The following KIF26B variants were observed in gnomAD, a reference collection of about 807,000 sequenced individuals.
The protein encoded by KIF26B is kinesin family member 26B.
KIF26B carries 63 observed loss-of-function variants against 151.2 expected under a neutral mutation model. The ratio of observed to expected loss-of-function variants is 0.42; its 90% CI spans 0.34 to 0.51. KIF26B has a LOEUF of 0.51. KIF26B is among the 20% of genes least tolerant of loss of function. KIF26B has a pLI of 0.07. For synonymous variants in KIF26B, 1,357 were observed against 1,262.1 expected (o/e 1.08, Z -1.59); for missense variants, 2,813 against 2,913.6 (o/e 0.97, Z 0.79).
At chr1:245,186,712 A>G (rs983760143) in intron 2 of KIF26B, among the ~76,000 whole-genome samples, 6 of 152,334 alleles carry the variant, frequency 3.9e-5, no homozygotes, top group African/African-American at 9.6e-5. Context: ...TATCTTTCAG[A>G]CAGAATCAAA....
At chr1:245,473,215 C>T (rs1659951936) in intron 4 of KIF26B, among the ~76,000 whole-genome samples, 1 of 152,134 alleles carries the variant, frequency 6.6e-6, no homozygotes, top group South Asian at 2.1e-4. Context: ...CAATAAAGAC[C>T]CTCTGACCAA....
intron 4 of KIF26B, among the ~76,000 whole-genome samples, chr1:245,521,149 A>G (rs1257487984): frequency 6.6e-6 from 1 of 152,178 alleles, no homozygotes; most frequent in Non-Finnish European, 1.5e-5. Context: ...CATCCTGGCT[A>G]ACACGGTGAA....
chr1:245,184,047 G>GTTTTTTTTTTTTTT (rs1469137088), intron 2 of KIF26B, among the ~76,000 whole-genome samples: 45 of 9,232 alleles, frequency 4.9e-3, no homozygotes, highest in Non-Finnish European at 6.0e-3. Context: ...GGTGGGAGTT[G>GTTTTTTTTTTTTTT]TTGTTTTTTT....
At chr1:245,199,659 T>A (rs544356847) in intron 2 of KIF26B, among the ~76,000 whole-genome samples, 1 of 152,142 alleles carries the variant, frequency 6.6e-6, no homozygotes, top group African/African-American at 2.4e-5. Context: ...CTTTGGTATG[T>A]TTAAATAGAG....
intron 4 of KIF26B, among the ~76,000 whole-genome samples, chr1:245,465,500 G>A: frequency 6.6e-6 from 1 of 152,156 alleles, no homozygotes; most frequent in East Asian, 1.9e-4. Flanking sequence ...ATCGACCAAA[G>A]GATGGAAAGA....
intron 4 of KIF26B, among the ~76,000 whole-genome samples, chr1:245,520,066 A>T (rs1384191498): frequency 6.6e-6 from 1 of 151,340 alleles, no homozygotes; most frequent in Non-Finnish European, 1.5e-5. Context: ...TACATTTTTT[A>T]AAAATTAAAT....
rs768285692 is a variant in KIF26B at position 245,667,337 on chromosome 1, G to A, written c.2259-16896G>A. Reference sequence around the variant, plus strand: ...ACAACAGGCGTGTGCCACCATGCCCGGCTACTTTTTTAAATATTTTTAATA... The same window carrying A: ...ACAACAGGCGTGTGCCACCATGCCCAGCTACTTTTTTAAATATTTTTAATA... On this transcript the variant is annotated intron_variant, in intron 10 of 14. Transcript: ENST00000407071. This position sits in a 1 kb window ranked among gnomAD's most constrained non-coding sequence, Gnocchi z 4.3. 4.0e-4 allele frequency among the ~76,000 whole-genome samples: 61 copies of A among 152,120 alleles called. No homozygotes were observed. The Middle Eastern group carries it at 0.01, about 25-fold the overall frequency.
chr1:245,395,641 T>C (rs1477972151), intron 3 of KIF26B, among the ~76,000 whole-genome samples: 1 of 152,160 alleles, frequency 6.6e-6, no homozygotes, highest in Non-Finnish European at 1.5e-5. Flanking sequence ...AGAACCTTTT[T>C]TCCTGGCAAG....
At chr1:245,351,907 G>A (rs1672576578) in intron 2 of KIF26B, among the ~76,000 whole-genome samples, 1 of 152,202 alleles carries the variant, frequency 6.6e-6, no homozygotes, top group African/African-American at 2.4e-5. Flanking sequence ...CTTAATAAGT[G>A]TTTTATAAAT....
chr1:245,576,692 GTTCT>G (rs2043121841), intron 5 of KIF26B, among the ~76,000 whole-genome samples: 1 of 152,180 alleles, frequency 6.6e-6, no homozygotes, highest in Non-Finnish European at 1.5e-5. Flanking sequence ...GGGAAAGGGG[GTTCT>G]TTATTGCAGC....
intron 9 of KIF26B, among the ~76,000 whole-genome samples, chr1:245,645,217 C>A (rs1315148208): frequency 6.6e-6 from 1 of 151,996 alleles, no homozygotes; most frequent in Non-Finnish European, 1.5e-5. Context: ...AGTGTTGGAA[C>A]CTGCTGGGAG....
At chr1:245,262,048 C>T (rs1426848715) in intron 2 of KIF26B, among the ~76,000 whole-genome samples, 1 of 152,190 alleles carries the variant, frequency 6.6e-6, no homozygotes, top group Non-Finnish European at 1.5e-5. Flanking sequence ...ATCCTGTCTG[C>T]ACTGAGGTGT....
At chr1:245,200,979 A>C (rs990778489) in intron 2 of KIF26B, among the ~76,000 whole-genome samples, 1 of 152,230 alleles carries the variant, frequency 6.6e-6, no homozygotes, top group Non-Finnish European at 1.5e-5. Flanking sequence ...CTTAAAAAGC[A>C]TATTAAGCCC....
rs1669696590 is a variant in KIF26B at position 245,218,587 on chromosome 1, C to T, written c.465+61904C>T. 6.6e-6 allele frequency among the ~76,000 whole-genome samples: 1 copy of T among 152,130 alleles called. No individual in the cohort carries two copies. The highest frequency in any genetic ancestry group is 1.5e-5 in the Non-Finnish European group (1 of 68,024). ...CAAGAACCGAGGTGTCTCTTCTGCCCCATTTCTAGCCCAGGGTGACCCCAG... is the reference window on the plus strand; with the variant it reads ...CAAGAACCGAGGTGTCTCTTCTGCCTCATTTCTAGCCCAGGGTGACCCCAG... On this transcript the variant is annotated intron_variant, in intron 2 of 14. Coordinates refer to ENST00000407071, the MANE Select transcript of KIF26B (RefSeq NM_018012.4). The surrounding 1 kb of genome is among the most constrained non-coding windows in gnomAD (Gnocchi z 4.1).
intron 8 of KIF26B, among the ~76,000 whole-genome samples, chr1:245,610,835 A>C (rs1453899777): frequency 6.6e-6 from 1 of 152,250 alleles, no homozygotes; most frequent in Non-Finnish European, 1.5e-5. Flanking sequence ...TTGAAGTCTG[A>C]GGATTTTGAT....
intron 3 of KIF26B, among the ~76,000 whole-genome samples, chr1:245,397,349 G>A (rs1357063252): frequency 6.6e-6 from 1 of 152,028 alleles, no homozygotes; most frequent in Non-Finnish European, 1.5e-5. Context: ...CCAAGTAGCT[G>A]GGATTACAGG....
intron 2 of KIF26B, among the ~76,000 whole-genome samples, chr1:245,187,841 C>G (rs189426195): frequency 8.5e-5 from 13 of 152,246 alleles, no homozygotes; most frequent in Admixed American, 2.6e-4. Flanking sequence ...CCTTGAAGAA[C>G]AGGCAAAGGA....
chr1:245,341,058 TTTC>T (rs1349241494), intron 2 of KIF26B, among the ~76,000 whole-genome samples: 1 of 152,160 alleles, frequency 6.6e-6, no homozygotes, highest in African/African-American at 2.4e-5. Context: ...CCCATCCTCC[TTTC>T]CCAATCCCAG....
At chr1:245,377,308 G>A (rs1337216624) in intron 3 of KIF26B, among the ~76,000 whole-genome samples, 1 of 152,202 alleles carries the variant, frequency 6.6e-6, no homozygotes, top group African/African-American at 2.4e-5. Flanking sequence ...TCCTCTGAAG[G>A]CCCCAGGGAA....
Sources: allele counts gnomAD v4.1 joint callset (sites outside exome capture counted in the v4.1 genomes callset), GRCh38; gene constraint gnomAD v4.1.1; non-coding constraint Gnocchi (gnomAD v3.1); transcripts MANE v1.5; gene names NCBI Gene and HGNC (gene_info 2026-07-23, HGNC 2026-07-21).